The following VPS13C variants were observed in gnomAD, a reference collection of about 807,000 sequenced individuals.
VPS13C encodes the protein vacuolar protein sorting 13 homolog C.
VPS13C carries 358 observed loss-of-function variants against 456.8 expected under a neutral mutation model. The ratio of observed to expected loss-of-function variants is 0.78; its 90% CI spans 0.72 to 0.86. The LOEUF (loss-of-function observed/expected upper bound fraction) is 0.86, where lower values mean the gene tolerates loss of function less well. Among genes scored for constraint, VPS13C ranks in the 40% least tolerant of loss-of-function variants. The pLI, the probability that VPS13C is intolerant of heterozygous loss-of-function variation, is 0.00. For missense variants in VPS13C, 4,818 were observed against 4,385.4 expected (o/e 1.10, Z -2.79); for synonymous variants, 1,578 against 1,486.7 (o/e 1.06, Z -1.41).
Position 61,920,054 on chromosome 15 carries a change from A to C in VPS13C, c.7477+13T>G, listed in dbSNP as rs755918524. 2 of 1,574,010 alleles carry C rather than the reference A, an allele frequency of 1.3e-6. No individual in the cohort carries two copies. Among genetic ancestry groups the C allele is most frequent in the South Asian group, 2.3e-5 (2 of 86,134 alleles). Reference sequence around the variant, plus strand: ...CTGCTAAGATACCCTTAAGGAAAACAAATATAGCCTACCAATGGTCAGAGT... The same window carrying C: ...CTGCTAAGATACCCTTAAGGAAAACCAATATAGCCTACCAATGGTCAGAGT... On this transcript the variant is annotated intron_variant, in intron 57 of 84. Transcript: ENST00000644861.
At chr15:61,903,620 A>T (rs2043069260) in intron 66 of VPS13C, among the ~76,000 whole-genome samples, 1 of 152,160 alleles carries the variant, frequency 6.6e-6, no homozygotes, top group East Asian at 1.9e-4. Flanking sequence ...CTATCAAAAT[A>T]CCAATGATAT....
At chr15:62,008,161 G>A (rs2046915629) in intron 14 of VPS13C, among the ~76,000 whole-genome samples, 1 of 152,228 alleles carries the variant, frequency 6.6e-6, no homozygotes, top group East Asian at 1.9e-4. Flanking sequence ...AACCCAGGAG[G>A]TGGAGGTTGC....
At position 61,949,499 on chromosome 15, in the gene VPS13C, T is replaced by C. The variant is rs145606842; in HGVS notation, c.4703A>G (p.Lys1568Arg). The C allele has an allele frequency of 6.2e-7, 1 of 1,613,632 alleles. No homozygotes were observed. The highest frequency in any genetic ancestry group is 8.5e-7 in the Non-Finnish European group (1 of 1,179,878). ...CACAAGTGGTTTCAGCTCGGATTCC[T>C]TCTCAGAAGAGGAAGGCTCAGAGAA... ...APFSEPSSSE[K>R]ESELKPLVGE... is the part of the protein sequence containing the mutation. The change falls in exon 42 of 85, where the codon AAG becomes AGG. Residue 1568 changes from lysine (K) to arginine (R), a missense_variant. Coordinates refer to ENST00000644861, the MANE Select transcript of VPS13C (RefSeq NM_020821.3).
rs192766600 is a variant in VPS13C, at chr15:61,940,300, T to A, written c.5601+347A>T. Among the ~76,000 whole-genome samples the A allele has an allele frequency of 4.5e-3, 689 of 152,306 alleles. 7 individuals are homozygous for A. Among genetic ancestry groups the A allele is most frequent in the African/African-American group, 0.015 (639 of 41,568 alleles). On this transcript the variant is annotated intron_variant, in intron 47 of 84. Transcript: ENST00000644861. ...GAATTTTCCAAAATTAAGAATAATA[T>A]TTTTAGTACACTCCAACAGATTTTA...
rs531054581 is a variant in VPS13C at position 62,001,108 on chromosome 15, C to T, written c.1291-482G>A. 5.9e-5 allele frequency among the ~76,000 whole-genome samples: 9 copies of T among 152,244 alleles called. No individual in the cohort carries two copies. The South Asian group carries it at 6.2e-4, about 11-fold the overall frequency. On this transcript the variant is annotated intron_variant, in intron 15 of 84. Transcript: ENST00000644861. ...GATTTGAGGCATTTATATAAAAGTA[C>T]GTGGGGGAATCCAACATTAACCAGG...
chr15:61,995,369 C>T (rs1216555713), intron 16 of VPS13C, among the ~76,000 whole-genome samples: 1 of 152,042 alleles, frequency 6.6e-6, no homozygotes, highest in African/African-American at 2.4e-5. Flanking sequence ...CATGTTGTGC[C>T]CACCCCATTC....
intron 1 of VPS13C, among the ~76,000 whole-genome samples, chr15:62,056,548 G>C (rs1042968934): frequency 2.0e-5 from 3 of 152,152 alleles, no homozygotes; most frequent in African/African-American, 7.2e-5. Flanking sequence ...AAAAACACCC[G>C]CGACTTAGCA....
chr15:61,861,958 G>A (rs1338565659), intron 82 of VPS13C, among the ~76,000 whole-genome samples: 2 of 152,080 alleles, frequency 1.3e-5, no homozygotes, highest in Non-Finnish European at 2.9e-5. Context: ...AAATTAGCTG[G>A]GCATAGTGGT....
chr15:61,874,188 G>A (rs1381439688), intron 77 of VPS13C, among the ~76,000 whole-genome samples: 1 of 152,052 alleles, frequency 6.6e-6, no homozygotes. Context: ...TGGGTAGGGG[G>A]AGGAGAGGAT....
chr15:61,925,448 G>A lies in VPS13C; in HGVS notation c.6609+8C>T, dbSNP rs754257601. The A allele has an allele frequency of 1.3e-6, 2 of 1,507,370 alleles. No homozygotes were observed. The highest frequency in any genetic ancestry group is 1.8e-6 in the Non-Finnish European group (2 of 1,106,108). The allele number at this position is 1,507,370 out of a possible 1,614,324, so 93.4% of individuals were successfully genotyped here. ...AATTTTCACTCAAAGAATATGGTAA[G>A]TACTAACCTTAATTATAAATTCTTT... On this transcript the variant is annotated splice_region_variant and intron_variant, in intron 53 of 84. Coordinates refer to ENST00000644861, the MANE Select transcript of VPS13C (RefSeq NM_020821.3).
intron 1 of VPS13C, among the ~76,000 whole-genome samples, chr15:62,046,231 C>T (rs1204735033): frequency 3.3e-5 from 5 of 151,928 alleles, no homozygotes; most frequent in Admixed American, 6.6e-5. Flanking sequence ...AAAGTAAAAC[C>T]GAAAATAAGG....
intron 59 of VPS13C, 125 bp from the exon 60 acceptor site, chr15:61,917,760 A>G (rs1195782123): frequency 9.2e-7 from 1 of 1,089,050 alleles, no homozygotes; most frequent in Non-Finnish European, 1.3e-6. Context: ...AGATATACAG[A>G]TGAGGAAACC....
chr15:62,041,170 T>C (rs1161850076), intron 3 of VPS13C, among the ~76,000 whole-genome samples, 154 bp downstream of exon 3: 1 of 152,114 alleles, frequency 6.6e-6, no homozygotes, highest in Admixed American at 6.6e-5. Flanking sequence ...TTATATATAA[T>C]ATACATTAGG....
chr15:61,930,238 C>G (rs2044010688), intron 50 of VPS13C, among the ~76,000 whole-genome samples: 1 of 152,184 alleles, frequency 6.6e-6, no homozygotes, highest in South Asian at 2.1e-4. Flanking sequence ...AAGTGTTTAT[C>G]AAGTGTGCTC....
At position 61,856,273 on chromosome 15, in the gene VPS13C, CAT is replaced by C. The variant is rs778445446; in HGVS notation, c.11076+11_11076+12del. The C allele has an allele frequency of 1.3e-5, 21 of 1,612,442 alleles. No homozygotes were observed. Among genetic ancestry groups the C allele is most frequent in the Non-Finnish European group, 1.6e-5 (19 of 1,179,116 alleles). On this transcript the variant is annotated intron_variant, in intron 83 of 84. Transcript: ENST00000644861. ...TGAACTCTTAGCTCTAAAGGTGTGA[CAT>C]GTTTTCTTACCTTAACTGAAATTTT...
At chr15:61,963,443 T>C (rs911562714) in intron 32 of VPS13C, among the ~76,000 whole-genome samples, 12 of 151,402 alleles carry the variant, frequency 7.9e-5, no homozygotes, top group East Asian at 5.8e-4. Flanking sequence ...TAAAGACAAA[T>C]ACATAATTAT....
At position 61,885,997 on chromosome 15, in the gene VPS13C, T is replaced by C. The variant is rs1236716116; in HGVS notation, c.9342-1728A>G. 2.0e-5 allele frequency among the ~76,000 whole-genome samples: 3 copies of C among 152,160 alleles called. No individual in the cohort carries two copies. The East Asian group carries it at 5.8e-4, about 29-fold the overall frequency. On this transcript the variant is annotated intron_variant, in intron 67 of 84. Coordinates refer to ENST00000644861, the MANE Select transcript of VPS13C (RefSeq NM_020821.3). ...TTTGCCTTGTTTTTGTAATTGACTA[T>C]TGAGGTTGTTCTGAATGTCTTCAAT...
intron 15 of VPS13C, among the ~76,000 whole-genome samples, chr15:62,006,191 T>C (rs1006271017): frequency 6.6e-6 from 1 of 151,994 alleles, no homozygotes; most frequent in African/African-American, 2.4e-5. Flanking sequence ...GCCATGTTGG[T>C]GTGCTGCACC....
chr15:62,029,995 G>A (rs1394338905), intron 5 of VPS13C, among the ~76,000 whole-genome samples: 1 of 152,044 alleles, frequency 6.6e-6, no homozygotes, highest in Non-Finnish European at 1.5e-5. Context: ...ATTAAACATA[G>A]ACGAGCAATT....
Sources: gnomAD v4.1 joint callset for allele counts (sites outside exome capture counted in the v4.1 genomes callset) on GRCh38, gnomAD v4.1.1 for gene constraint, MANE v1.5 for transcripts, NCBI Gene and HGNC (gene_info 2026-07-23, HGNC 2026-07-21) for gene names.